IQSEC1: variants seen among roughly 807,000 people sequenced by gnomAD.
IQSEC1 encodes the protein IQ motif and SEC7 domain-containing protein 1.
Under a neutral mutation model 91.0 loss-of-function variants are expected in IQSEC1, and 31 were observed. The observed-to-expected ratio is 0.34, with a 90% CI of 0.26 to 0.46. The LOEUF (loss-of-function observed/expected upper bound fraction) is 0.46, where lower values mean the gene tolerates loss of function less well. Ranked by LOEUF, IQSEC1 falls within the 20% of genes least tolerant of loss-of-function variation. IQSEC1 has a pLI of 1.00. For synonymous variants in IQSEC1, 699 were observed against 662.6 expected, an observed-to-expected ratio of 1.05 and a Z score of -0.84; for missense variants, 1,388 against 1,575.6, an observed-to-expected ratio of 0.88 and a Z score of 2.02.
chr3:13,199,887 C>CCA (rs1263033318), intron 1 of IQSEC1, among the ~76,000 whole-genome samples: 10 of 150,812 alleles, frequency 6.6e-5, no homozygotes, highest in African/African-American at 2.4e-4. Context: ...CACACACACA[C>CCA]CACACACACA....
chr3:13,117,545 T>C (rs187745664), intron 2 of IQSEC1, among the ~76,000 whole-genome samples: 3,993 of 110,108 alleles, frequency 0.036, 221 homozygotes, highest in African/African-American at 0.13. Context: ...CACTCCAGCC[T>C]GGTGACAGAG....
intron 1 of IQSEC1, among the ~76,000 whole-genome samples, chr3:13,197,781 G>C (rs1694161790): frequency 6.6e-6 from 1 of 152,236 alleles, no homozygotes; most frequent in African/African-American, 2.4e-5. Flanking sequence ...CTGAGGTCCA[G>C]AGAGGCCAAG....
At chr3:13,155,048 C>G (rs1707064020) in intron 2 of IQSEC1, among the ~76,000 whole-genome samples, 1 of 151,972 alleles carries the variant, frequency 6.6e-6, no homozygotes, top group Non-Finnish European at 1.5e-5. Flanking sequence ...CTTAAATCAA[C>G]AAAATAACTT....
At chr3:13,269,153 G>T (rs991960867) in intron 1 of IQSEC1, among the ~76,000 whole-genome samples, 1 of 152,180 alleles carries the variant, frequency 6.6e-6, no homozygotes, top group African/African-American at 2.4e-5. Context: ...CAACCAGCAG[G>T]CACTTGGCCA....
chr3:13,129,773 T>G (rs1186660553), intron 2 of IQSEC1, among the ~76,000 whole-genome samples: 4 of 149,476 alleles, frequency 2.7e-5, no homozygotes, highest in African/African-American at 9.9e-5. Flanking sequence ...TTCTCCTGCC[T>G]CAGCCTCCCG....
intron 10 of IQSEC1, among the ~76,000 whole-genome samples, chr3:12,910,307 C>T (rs1432618812): frequency 2.0e-5 from 3 of 152,358 alleles, no homozygotes; most frequent in East Asian, 1.9e-4. Context: ...TGCCAGCACC[C>T]GGCACCCACG....
intron 2 of IQSEC1, among the ~76,000 whole-genome samples, chr3:13,146,555 G>A (rs358373): frequency 0.85 from 129,719 of 152,204 alleles, 55,412 homozygotes; most frequent in East Asian, 0.96. Context: ...TAACTCACTC[G>A]AGGGCAGGGC....
chr3:13,194,798 C>T (rs959648998), intron 1 of IQSEC1, among the ~76,000 whole-genome samples: 2 of 152,214 alleles, frequency 1.3e-5, no homozygotes, highest in Admixed American at 6.5e-5. Context: ...CAGGCTCAGA[C>T]ATCCGCAGGC....
Position 12,922,894 on chromosome 3 carries a change from T to C in IQSEC1, c.1731-652A>G, listed in dbSNP as rs1191615854. Among the ~76,000 whole-genome samples the C allele has an allele frequency of 6.6e-6, 1 of 152,154 alleles. No individual in the cohort carries two copies. Among genetic ancestry groups the C allele is most frequent in the Non-Finnish European group, 1.5e-5 (1 of 68,028 alleles). Reference sequence around the variant, plus strand: ...ACCCCTGAACAGAGAAGATGGAGTCTGCACCAGGAGCCCTGAGGCAGGCTC... The same window carrying C: ...ACCCCTGAACAGAGAAGATGGAGTCCGCACCAGGAGCCCTGAGGCAGGCTC... On this transcript the variant is annotated intron_variant, in intron 4 of 13. Transcript: ENST00000613206. This position sits in a 1 kb window ranked among gnomAD's most constrained non-coding sequence, Gnocchi z 5.1.
intron 1 of IQSEC1, among the ~76,000 whole-genome samples, chr3:12,974,066 A>C (rs1225549376): frequency 6.6e-6 from 1 of 152,182 alleles, no homozygotes; most frequent in Admixed American, 6.5e-5. Context: ...GATGCATGGG[A>C]AAGACCCTGA....
At chr3:12,902,166 T>C (rs190229574) in intron 13 of IQSEC1, among the ~76,000 whole-genome samples, 1 of 152,206 alleles carries the variant, frequency 6.6e-6, no homozygotes, top group East Asian at 1.9e-4. Context: ...GAGGTAGAGA[T>C]GTGAACAGTA....
intron 1 of IQSEC1, among the ~76,000 whole-genome samples, chr3:12,996,160 C>A (rs1242331599): frequency 6.6e-6 from 1 of 152,044 alleles, no homozygotes; most frequent in Non-Finnish European, 1.5e-5. Flanking sequence ...GACTTTGTCT[C>A]TTAAAAACAC....
At chr3:13,250,713 C>T (rs1695180593) in intron 1 of IQSEC1, among the ~76,000 whole-genome samples, 4 of 151,798 alleles carry the variant, frequency 2.6e-5, no homozygotes, top group African/African-American at 7.3e-5. Context: ...GTGATCTGCC[C>T]GCCTCGGCCT....
chr3:13,086,347 A>G (rs1226241824), intron 2 of IQSEC1, among the ~76,000 whole-genome samples: 1 of 152,176 alleles, frequency 6.6e-6, no homozygotes, highest in Admixed American at 6.5e-5. Flanking sequence ...GCTTGTCACC[A>G]TCATCATGAC....
At chr3:13,155,779 G>A (rs1707076966) in intron 2 of IQSEC1, among the ~76,000 whole-genome samples, 1 of 152,080 alleles carries the variant, frequency 6.6e-6, no homozygotes, top group South Asian at 2.1e-4. Context: ...TGACTAAGTG[G>A]AATTTATTCC....
At chr3:13,170,338 G>C (rs961606368) in intron 1 of IQSEC1, among the ~76,000 whole-genome samples, 2 of 152,272 alleles carry the variant, frequency 1.3e-5, no homozygotes. Context: ...TGGATGCCCA[G>C]GCAGAAGTTT....
In IQSEC1 at chr3:13,040,014, G is replaced by C. The variant is rs7646860; in HGVS notation, c.23+32978C>G. 7.9e-3 allele frequency among the ~76,000 whole-genome samples: 1,197 copies of C among 152,278 alleles called. 20 individuals carry two copies. Among genetic ancestry groups the C allele is most frequent in the African/African-American group, 0.027 (1,137 of 41,542 alleles). ...TGACTCCACTTCGTGGCATTAGCGC[G>C]CAGAGTTGGTGCTCAGAATGAAGCC... is the stretch of plus-strand genomic sequence containing the variant. On this transcript the variant is annotated intron_variant, in intron 1 of 13. Transcript: ENST00000613206.
upstream of IQSEC1, among the ~76,000 whole-genome samples, chr3:13,076,642 A>AC (rs1259237417): frequency 6.6e-6 from 1 of 151,018 alleles, no homozygotes; most frequent in East Asian, 1.9e-4. Flanking sequence ...GCAGAAGTGA[A>AC]CCCCCCACCC....
intron 2 of IQSEC1, among the ~76,000 whole-genome samples, chr3:13,135,327 T>C (rs1367079361): frequency 6.6e-6 from 1 of 152,154 alleles, no homozygotes; most frequent in Non-Finnish European, 1.5e-5. Context: ...ACTGGCCCTA[T>C]GGGTGGGGCT....
Sources: gnomAD v4.1 joint callset for allele counts (sites outside exome capture counted in the v4.1 genomes callset) on GRCh38, gnomAD v4.1.1 for gene constraint, Gnocchi (gnomAD v3.1) non-coding constraint, MANE v1.5 for transcripts, NCBI Gene and HGNC (gene_info 2026-07-23, HGNC 2026-07-21) for gene names.